The following ZFHX4 variants were observed in gnomAD, a reference collection of about 807,000 sequenced individuals.
The protein encoded by ZFHX4 is zinc finger homeobox 4.
ZFHX4 carries 56 observed loss-of-function variants against 267.6 expected under a neutral mutation model. That is an observed-to-expected ratio of 0.21 (90% CI 0.17 to 0.26). ZFHX4 has a LOEUF of 0.26. Ranked by LOEUF, ZFHX4 falls within the 10% of genes least tolerant of loss-of-function variation. ZFHX4 has a pLI of 1.00. For missense variants in ZFHX4, 4,332 were observed against 4,420.0 expected (o/e 0.98, Z 0.56); for synonymous variants, 1,778 against 1,665.6 (o/e 1.07, Z -1.64).
Position 76,863,636 on chromosome 8 carries a change from G to A in ZFHX4, c.9922G>A (p.Ala3308Thr), listed in dbSNP as rs1341702932. 2 of 1,612,714 alleles carry A rather than the reference G, an allele frequency of 1.2e-6. No homozygotes were observed. The highest frequency in any genetic ancestry group is 1.7e-6 in the Non-Finnish European group (2 of 1,179,418). ...PYGPTMPQTLAGLSPGALLQQ... is the reference protein window; with the variant it reads ...PYGPTMPQTLTGLSPGALLQQ... Reference sequence around the variant, plus strand: ...TGGCCCTACAATGCCCCAGACACTGGCAGGTCTGTCCCCAGGTGCACTGTT... The same window carrying A: ...TGGCCCTACAATGCCCCAGACACTGACAGGTCTGTCCCCAGGTGCACTGTT... Residue 3308 changes from alanine to threonine, a missense_variant, in exon 11 of 11, where the codon GCA becomes ACA. By Grantham distance (58) the Ala-to-Thr change is moderately conservative. Around this residue, in one of 7 missense-constraint regions of ZFHX4, gnomAD observed 1,648 missense variants for 1,625.0 expected, o/e 1.01. Transcript: ENST00000651372.
In ZFHX4 at chr8:76,705,925, A is replaced by T. The variant is rs368804523; in HGVS notation, c.1837A>T (p.Ile613Phe). ...PGGDGSPGSG[I>F]ECPKCDTVLG... is the part of the protein sequence containing the mutation. The stretch of plus-strand genomic sequence containing the variant: ...AGGAGACGGCTCACCGGGCAGTGGC[A>T]TCGAGTGTCCAAAGTGCGACACTGT... The change falls in exon 2 of 11, where the codon ATC (isoleucine) becomes TTC (phenylalanine). Residue 613 changes from isoleucine to phenylalanine, a missense_variant. Around this residue, in one of 7 missense-constraint regions of ZFHX4, gnomAD observed 1,195 missense variants for 1,173.6 expected, o/e 1.02. Coordinates refer to ENST00000651372, the MANE Select transcript of ZFHX4 (RefSeq NM_024721.5). 15 of 1,613,176 alleles carry T rather than the reference A, an allele frequency of 9.3e-6. No individual in the cohort carries two copies. The highest frequency in any genetic ancestry group is 4.0e-5 in the African/African-American group (3 of 74,690).
chr8:76,773,930 G>C (rs1810335775), intron 3 of ZFHX4, among the ~76,000 whole-genome samples: 1 of 152,054 alleles, frequency 6.6e-6, no homozygotes, highest in Non-Finnish European at 1.5e-5. Context: ...TTTTACCTGT[G>C]AGAAGACACG....
rs542020135 is a variant in ZFHX4 at position 76,836,197 on chromosome 8, C to T, written c.3394+2791C>T. ...TAAACAAAAAAGTATTTTCAGATTG[C>T]AATAAATGTGATAAAGGAAGTGTTA... On this transcript the variant is annotated intron_variant, in intron 5 of 10. Coordinates refer to ENST00000651372, the MANE Select transcript of ZFHX4 (RefSeq NM_024721.5). Among the ~76,000 whole-genome samples the T allele has an allele frequency of 3.4e-4, 52 of 152,224 alleles. 1 individual carries two copies. Among genetic ancestry groups the T allele is most frequent in the African/African-American group, 1.1e-3 (45 of 41,524 alleles).
chr8:76,705,575 G>A lies in ZFHX4; in HGVS notation c.1487G>A (p.Gly496Asp). Residue 496 changes from glycine to aspartate, a missense_variant, in exon 2 of 11, where the codon GGT becomes GAT. Physicochemically the swap from Gly to Asp is moderately conservative, Grantham distance 94. Around this residue, in one of 7 missense-constraint regions of ZFHX4, gnomAD observed 1,195 missense variants for 1,173.6 expected, o/e 1.02. Transcript: ENST00000651372. ...TTAGGTGAACTCACCGATAGTATTG[G>A]TAACAAAGATTTCCCTCTCTTAAAC... ...EVLGELTDSI[G>D]NKDFPLLNQS... 6.2e-7 allele frequency: 1 copy of A among 1,613,606 alleles called. No homozygotes were observed. Among genetic ancestry groups the A allele is most frequent in the Middle Eastern group, 1.6e-4 (1 of 6,062 alleles).
chr8:76,801,166 TA>T lies in ZFHX4; in HGVS notation c.3325+22739del, dbSNP rs576666970. 1.1e-3 allele frequency among the ~76,000 whole-genome samples: 159 copies of T among 146,564 alleles called. 2 individuals are homozygous for T. The highest frequency in any genetic ancestry group is 5.6e-3 in the South Asian group (26 of 4,654). On this transcript the variant is annotated intron_variant, in intron 4 of 10. Coordinates refer to ENST00000651372, the MANE Select transcript of ZFHX4 (RefSeq NM_024721.5). ...TTGAGCCTTCTAACTTTTCTTTAAT[TA>T]AAAAAAAAAAATTGAAAGATGTCTC...
chr8:76,788,531 G>A (rs888112880), intron 4 of ZFHX4, among the ~76,000 whole-genome samples: 5 of 152,090 alleles, frequency 3.3e-5, no homozygotes, highest in African/African-American at 4.8e-5. Context: ...AACATCATCC[G>A]TGCTGTTCAA....
chr8:76,705,936 A>T lies in ZFHX4; in HGVS notation c.1848A>T (p.Pro616=). Residue 616 remains proline, a synonymous_variant, in exon 2 of 11, where the codon CCA becomes CCT. Transcript: ENST00000651372. The stretch of plus-strand genomic sequence containing the variant: ...CACCGGGCAGTGGCATCGAGTGTCC[A>T]AAGTGCGACACTGTGTTGGGGTCTT... The part of the protein sequence containing the change: ...DGSPGSGIEC[P]KCDTVLGSSR... 1 of 1,613,462 alleles carries T rather than the reference A, an allele frequency of 6.2e-7. No individual in the cohort carries two copies. The highest frequency in any genetic ancestry group is 8.5e-7 in the Non-Finnish European group (1 of 1,179,800).
At chr8:76,763,727 G>A (rs142344174) in intron 3 of ZFHX4, among the ~76,000 whole-genome samples, 1 of 152,270 alleles carries the variant, frequency 6.6e-6, no homozygotes, top group Non-Finnish European at 1.5e-5. Flanking sequence ...ACAGTTGATT[G>A]TTGAGGAAAA....
intron 1 of ZFHX4, chr8:76,703,738 AT>A: frequency 8.7e-6 from 2 of 229,270 alleles, no homozygotes; most frequent in Non-Finnish European, 1.7e-5. Flanking sequence ...TATATTGTGT[AT>A]TTTTTTGGAA....
intron 4 of ZFHX4, among the ~76,000 whole-genome samples, chr8:76,793,812 A>G (rs1340606609): frequency 6.6e-6 from 1 of 152,028 alleles, no homozygotes; most frequent in African/African-American, 2.4e-5. Flanking sequence ...TAAGATTATC[A>G]TTATTGAAGA....
At chr8:76,702,956 C>T (rs946227359) in intron 1 of ZFHX4, among the ~76,000 whole-genome samples, 2 of 146,330 alleles carry the variant, frequency 1.4e-5, no homozygotes, top group African/African-American at 2.6e-5. Flanking sequence ...CTGAGGTTCT[C>T]AGGCAAGACA....
At position 76,866,906 on chromosome 8, in the gene ZFHX4, A is replaced by C. The variant is rs899559990; in HGVS notation, c.*2341A>C. ...AGAATTGTTTTTTCCTGGATATCAAAGGGATTATCACAGCGCAATCATTGT... is the reference window on the plus strand; with the variant it reads ...AGAATTGTTTTTTCCTGGATATCAACGGGATTATCACAGCGCAATCATTGT... On this transcript the variant is annotated 3_prime_UTR_variant, in exon 11 of 11. Transcript: ENST00000651372. The C allele has an allele frequency of 1.3e-5, 2 of 152,592 alleles. No individual in the cohort carries two copies. The highest frequency in any genetic ancestry group is 4.8e-5 in the African/African-American group (2 of 41,444). 9.5% of individuals were successfully genotyped at this position (152,592 alleles called of 1,614,324 possible).
At chr8:76,761,699 A>C (rs749753271) in intron 3 of ZFHX4, among the ~76,000 whole-genome samples, 1 of 152,194 alleles carries the variant, frequency 6.6e-6, no homozygotes, top group Non-Finnish European at 1.5e-5. Context: ...TTTAATAGTC[A>C]AGCTGAAAAA....
chr8:76,828,760 C>G (rs548725524), intron 4 of ZFHX4, among the ~76,000 whole-genome samples: 1 of 151,704 alleles, frequency 6.6e-6, no homozygotes, highest in South Asian at 2.1e-4. Context: ...TCTTTTTATG[C>G]AATTTAAAAA....
At chr8:76,758,258 A>G (rs1413724003) in intron 3 of ZFHX4, among the ~76,000 whole-genome samples, 1 of 152,200 alleles carries the variant, frequency 6.6e-6, no homozygotes, top group Admixed American at 6.5e-5. Flanking sequence ...AAGGGACTCA[A>G]GTAAGACAAC....
intron 3 of ZFHX4, among the ~76,000 whole-genome samples, chr8:76,718,365 C>A: frequency 6.6e-6 from 1 of 152,044 alleles, no homozygotes; most frequent in Non-Finnish European, 1.5e-5. Flanking sequence ...AAACAGAAAT[C>A]CTGTGATATC....
Position 76,790,475 on chromosome 8 carries a change from A to G in ZFHX4, c.3325+12036A>G, listed in dbSNP as rs546767761. On this transcript the variant is annotated intron_variant, in intron 4 of 10. Transcript: ENST00000651372. ...GCTATTATTGAAAGGATAACAGACC[A>G]AAGTACTCAAATATAAAAAGTAAAA... is the stretch of plus-strand genomic sequence containing the variant. 1.2e-4 allele frequency among the ~76,000 whole-genome samples: 19 copies of G among 152,260 alleles called. No individual in the cohort carries two copies. The East Asian group carries it at 3.3e-3, about 26-fold the overall frequency.
At chr8:76,832,703 G>T (rs556806195) in intron 4 of ZFHX4, among the ~76,000 whole-genome samples, 2 of 152,272 alleles carry the variant, frequency 1.3e-5, no homozygotes, top group African/African-American at 2.4e-5. Context: ...TATTCCATAG[G>T]TTCCCCTACA....
chr8:76,762,857 G>T (rs1281764208), intron 3 of ZFHX4, among the ~76,000 whole-genome samples: 1 of 152,096 alleles, frequency 6.6e-6, no homozygotes, highest in Non-Finnish European at 1.5e-5. Context: ...TAAAGCAATT[G>T]CCACTTGCCA....
Sources: gnomAD v4.1 joint callset for allele counts (sites outside exome capture counted in the v4.1 genomes callset) on GRCh38, gnomAD v4.1.1 for gene constraint, gnomAD v4.1.1 regional missense constraint, MANE v1.5 for transcripts, NCBI Gene and HGNC (gene_info 2026-07-23, HGNC 2026-07-21) for gene names.